The following COBL variants were observed in gnomAD, a reference collection of about 807,000 sequenced individuals.
The protein encoded by COBL is protein cordon-bleu.
A neutral mutation model predicts 98.8 loss-of-function variants in COBL; 51 were observed. That is an observed-to-expected ratio of 0.52 (90% CI 0.41 to 0.65). The LOEUF is 0.65. Among genes scored for constraint, COBL ranks in the 30% least tolerant of loss-of-function variants. The pLI, the probability that COBL is intolerant of heterozygous loss-of-function variation, is 0.00. For synonymous variants in COBL, 634 were observed against 651.7 expected (o/e 0.97, Z 0.41); for missense variants, 1,617 against 1,617.5 (o/e 1.00, Z 0.01).
chr7:51,066,946 C>A (rs1037862419), intron 7 of COBL, among the ~76,000 whole-genome samples: 2 of 152,264 alleles, frequency 1.3e-5, no homozygotes, highest in African/African-American at 4.8e-5. Context: ...TTCATTTAAA[C>A]AACTAACTGG....
chr7:51,242,446 C>T (rs1281287540), intron 1 of COBL, among the ~76,000 whole-genome samples: 1 of 152,160 alleles, frequency 6.6e-6, no homozygotes, highest in Non-Finnish European at 1.5e-5. Flanking sequence ...ATTCTTTGCT[C>T]AAGACACAGG....
intron 5 of COBL, among the ~76,000 whole-genome samples, chr7:51,158,530 T>C (rs568675011): frequency 1.3e-5 from 2 of 152,190 alleles, no homozygotes; most frequent in East Asian, 3.9e-4. Flanking sequence ...GCAAAGGTGG[T>C]GCTAGCTGAG....
chr7:51,073,034 A>G (rs568703285), intron 7 of COBL: 65 of 238,756 alleles, frequency 2.7e-4, no homozygotes, highest in Middle Eastern at 1.3e-3. Context: ...AATAAGAAAA[A>G]CATGAATTAA....
chr7:51,148,260 T>TA (rs1785232900), intron 5 of COBL, among the ~76,000 whole-genome samples: 1 of 152,286 alleles, frequency 6.6e-6, no homozygotes, highest in African/African-American at 2.4e-5. Context: ...GGGGGTGGGC[T>TA]ACAAAGGGAA....
At chr7:51,222,848 G>T (rs1418932470) in intron 1 of COBL, among the ~76,000 whole-genome samples, 1 of 152,202 alleles carries the variant, frequency 6.6e-6, no homozygotes. Context: ...ACCACAATGG[G>T]AGTGAGAGGC....
chr7:51,156,326 G>C (rs1365493674), intron 5 of COBL: 1 of 984,890 alleles, frequency 1.0e-6, no homozygotes. Flanking sequence ...AGTTATTCTT[G>C]TCCAAGTTTA....
Position 51,242,375 on chromosome 7 carries a change from T to C in COBL, c.42-22431A>G, listed in dbSNP as rs115366127. Among the ~76,000 whole-genome samples, 45 of 152,364 alleles carry C rather than the reference T, an allele frequency of 3.0e-4. No homozygotes were observed. In the East Asian group the frequency reaches 6.6e-3, roughly 22 times the overall value. On this transcript the variant is annotated intron_variant, in intron 1 of 12. Coordinates refer to ENST00000265136, the MANE Select transcript of COBL (RefSeq NM_015198.5). ...AACCCTGTGGAATGTACTTTGATTT[T>C]TGATAAATCTCTGCTTTCATTGCTT...
intron 12 of COBL, among the ~76,000 whole-genome samples, chr7:51,019,725 AC>A (rs1786736071): frequency 6.6e-6 from 1 of 152,184 alleles, no homozygotes; most frequent in South Asian, 2.1e-4. Flanking sequence ...GACAGAACTG[AC>A]CCCTAGGCCT....
At chr7:51,303,412 G>A (rs10258601) in intron 1 of COBL, among the ~76,000 whole-genome samples, 59,426 of 151,844 alleles carry the variant, frequency 0.39, 12,065 homozygotes, top group Non-Finnish European at 0.44. Context: ...CCAGCAATCC[G>A]GTCTCTGTGC....
chr7:51,153,179 A>T (rs557851847), intron 5 of COBL, among the ~76,000 whole-genome samples: 6 of 152,200 alleles, frequency 3.9e-5, no homozygotes, highest in Non-Finnish European at 5.9e-5. Context: ...CTCATAGCAT[A>T]AAAAAAAGAT....
intron 1 of COBL, among the ~76,000 whole-genome samples, chr7:51,265,149 A>G (rs1407822488): frequency 6.6e-6 from 1 of 152,170 alleles, no homozygotes; most frequent in Non-Finnish European, 1.5e-5. Flanking sequence ...CATTTCTGAC[A>G]CCTTTCTGTG....
chr7:51,066,448 G>A (rs1414430744), intron 7 of COBL, among the ~76,000 whole-genome samples: 1 of 152,222 alleles, frequency 6.6e-6, no homozygotes, highest in Non-Finnish European at 1.5e-5. Context: ...GTAGGGAGGA[G>A]GGATATGGAA....
At chr7:51,265,656 G>T (rs1352997318) in intron 1 of COBL, among the ~76,000 whole-genome samples, 7 of 152,224 alleles carry the variant, frequency 4.6e-5, no homozygotes, top group Non-Finnish European at 8.8e-5. Context: ...GTGCCCAGAG[G>T]GGAAGAAGGG....
At chr7:51,152,200 C>T (rs1785629356) in intron 5 of COBL, among the ~76,000 whole-genome samples, 1 of 152,164 alleles carries the variant, frequency 6.6e-6, no homozygotes. Flanking sequence ...GACAAATGAG[C>T]AGAGATGACC....
chr7:51,176,399 TACACACACAGAC>T (rs1359204496), intron 5 of COBL, among the ~76,000 whole-genome samples: 4 of 151,750 alleles, frequency 2.6e-5, no homozygotes, highest in Non-Finnish European at 4.4e-5. Flanking sequence ...TATATATGTA[TACACACACAGAC>T]ACACACACAC....
chr7:51,066,152 T>G (rs1368049600), intron 7 of COBL, among the ~76,000 whole-genome samples: 1 of 152,232 alleles, frequency 6.6e-6, no homozygotes, highest in Non-Finnish European at 1.5e-5. Flanking sequence ...GTCTGTGGCT[T>G]GACAGGCCCA....
At position 51,283,166 on chromosome 7, in the gene COBL, G is replaced by A. The variant is rs139009317; in HGVS notation, c.41+33427C>T. The stretch of plus-strand genomic sequence containing the variant: ...CCAAATCATATACAAGGAAATTGCT[G>A]AAACAGAAAAAAGGCAATAGAAAAC... On this transcript the variant is annotated intron_variant, in intron 1 of 12. Transcript: ENST00000265136. Among the ~76,000 whole-genome samples, 39 of 152,086 alleles carry A rather than the reference G, an allele frequency of 2.6e-4. 1 individual carries two copies. The East Asian group carries it at 7.5e-3, about 29-fold the overall frequency.
chr7:51,304,905 G>A (rs1450110721), intron 1 of COBL, among the ~76,000 whole-genome samples: 3 of 152,084 alleles, frequency 2.0e-5, no homozygotes, highest in East Asian at 1.9e-4. Context: ...AGGGGAGGGC[G>A]GATGTGTGGG....
intron 1 of COBL, among the ~76,000 whole-genome samples, chr7:51,280,050 C>G (rs918056629): frequency 1.3e-5 from 2 of 152,160 alleles, no homozygotes; most frequent in African/African-American, 4.8e-5. Context: ...TGCCCTCTCT[C>G]CTCCACATAG....
Sources: gnomAD v4.1 joint callset for allele counts (sites outside exome capture counted in the v4.1 genomes callset) on GRCh38, gnomAD v4.1.1 for gene constraint, MANE v1.5 for transcripts, NCBI Gene and HGNC (gene_info 2026-07-23, HGNC 2026-07-21) for gene names.